Variants in ZNF418 observed in about 807,000 individuals in gnomAD.
ZNF418 encodes zinc finger protein 418.
A neutral mutation model predicts 32.0 loss-of-function variants in ZNF418; 32 were observed. The observed-to-expected ratio is 1.00, with a 90% CI of 0.75 to 1.34. The LOEUF is 1.34. Ranked by LOEUF, ZNF418 falls within the 40% of genes most tolerant of loss-of-function variation. ZNF418 has a pLI of 0.00. For missense variants in ZNF418, 804 were observed against 812.5 expected (o/e 0.99, Z 0.13); for synonymous variants, 276 against 270.7 (o/e 1.02, Z -0.19).
intron 4 of ZNF418, among the ~76,000 whole-genome samples, chr19:57,924,709 T>C (rs1353530471): frequency 6.6e-6 from 1 of 152,190 alleles, no homozygotes; most frequent in Non-Finnish European, 1.5e-5. Context: ...GGGAACAGAT[T>C]TCCCTCAGCA....
intron 3 of ZNF418, among the ~76,000 whole-genome samples, chr19:57,929,038 C>A (rs113430358): frequency 0.012 from 1,782 of 152,120 alleles, 37 homozygotes; most frequent in African/African-American, 0.039. Context: ...TTTGTACACA[C>A]TTGCTAATAC....
intron 3 of ZNF418, 66 bp downstream of exon 3, chr19:57,930,362 C>G: frequency 6.2e-7 from 1 of 1,608,992 alleles, no homozygotes; most frequent in Non-Finnish European, 8.5e-7. Flanking sequence ...GACAGTCTTG[C>G]CAATGGGAGA....
At position 57,932,981 on chromosome 19, in the gene ZNF418, C is replaced by T. The variant is rs143184933; in HGVS notation, c.6+836G>A. On this transcript the variant is annotated intron_variant, in intron 2 of 5. Coordinates refer to ENST00000396147, the MANE Select transcript of ZNF418 (RefSeq NM_133460.3). ...CCCTATCTTCATGAGCCCTTGCCTC[C>T]TTCTCCTGTGGCAATGTCAGCCAGG... Among the ~76,000 whole-genome samples, 860 of 152,306 alleles carry T rather than the reference C, an allele frequency of 5.6e-3. 20 individuals are homozygous for T. Among genetic ancestry groups the T allele is most frequent in the East Asian group, 0.018 (95 of 5,180 alleles).
rs1425002536 is a variant in ZNF418 at position 57,927,294 on chromosome 19, C to G, written c.887G>C (p.Ser296Thr). Residue 296 changes from serine to threonine, a missense_variant, in exon 4 of 6, where the codon AGT becomes ACT. Around this residue, in one of 3 missense-constraint regions of ZNF418, gnomAD observed 22 missense variants for 49.0 expected, o/e 0.45. Transcript: ENST00000396147. ...ATGCTGAACAAGGCTGCCCTTATGACTAAAAGATTTCCCACATTCTCCACA... is the reference window on the plus strand; with the variant it reads ...ATGCTGAACAAGGCTGCCCTTATGAGTAAAAGATTTCCCACATTCTCCACA... ...YECGECGKSF[S>T]HKGSLVQHQR... 1 of 1,614,012 alleles carries G rather than the reference C, an allele frequency of 6.2e-7. No homozygotes were observed. The highest frequency in any genetic ancestry group is 1.3e-5 in the African/African-American group (1 of 74,910).
In ZNF418 at chr19:57,927,749, T is replaced by G. The variant is rs1347185143; in HGVS notation, c.432A>C (p.Ala144=). The change falls in exon 4 of 6, where the codon GCA becomes GCC. Residue 144 remains alanine, a synonymous_variant. Coordinates refer to ENST00000396147, the MANE Select transcript of ZNF418 (RefSeq NM_133460.3). ...GGAACTTACACCTCTTCACAAACAA[T>G]GCTTCCTCAACACTGCTTCTATAGG... ...EKPYRSSVEE[A]LFVKRCKFHV... 6.2e-7 allele frequency: 1 copy of G among 1,614,200 alleles called. No individual in the cohort carries two copies. The highest frequency in any genetic ancestry group is 1.7e-5 in the Admixed American group (1 of 60,024).
intron 3 of ZNF418, among the ~76,000 whole-genome samples, chr19:57,928,288 A>AT (rs34018478): frequency 4.0e-5 from 6 of 150,516 alleles, no homozygotes; most frequent in Non-Finnish European, 5.9e-5. Flanking sequence ...AAGGTCTACA[A>AT]TTTTTTTTTT....
chr19:57,923,292 G>A lies in ZNF418; in HGVS notation c.*528-3C>T, dbSNP rs939943500. ...GCCTGGGCAGACAGACGGACATTCT[G>A]TCTCAAAAACAAAAAAAATTAAGAA... On this transcript the variant is annotated splice_region_variant and splice_polypyrimidine_tract_variant and intron_variant, in intron 4 of 5. Transcript: ENST00000396147. The A allele has an allele frequency of 6.6e-6, 1 of 151,784 alleles. No individual in the cohort carries two copies. Among genetic ancestry groups the A allele is most frequent in the African/African-American group, 2.4e-5 (1 of 41,296 alleles). 9.4% of individuals were successfully genotyped at this position (151,784 alleles called of 1,614,324 possible). A position where few individuals can be genotyped will look rare whatever the true frequency, so the allele number is the denominator to read the frequency against.
chr19:57,932,608 G>T, intron 2 of ZNF418: 2 of 1,489,784 alleles, frequency 1.3e-6, no homozygotes, highest in Non-Finnish European at 8.9e-7. Context: ...TGTCCACCTA[G>T]AGTCATTTAA....
chr19:57,926,741 C>T lies in ZNF418; in HGVS notation c.1440G>A (p.Arg480=), dbSNP rs781498376. 10 of 1,614,064 alleles carry T rather than the reference C, an allele frequency of 6.2e-6. No individual in the cohort carries two copies. In the Admixed American group the frequency reaches 1.3e-4, roughly 22 times the overall value. Residue 480 remains arginine (R), a synonymous_variant, in exon 4 of 6, where the codon AGG becomes AGA. Coordinates refer to ENST00000396147, the MANE Select transcript of ZNF418 (RefSeq NM_133460.3). ...IEHQRVHTGE[R]PYECNECGKS... ...TCCCACATTCATTACATTCATATGGCCTTTCTCCAGTGTGAACTCTCTGGT... is the reference window on the plus strand; with the variant it reads ...TCCCACATTCATTACATTCATATGGTCTTTCTCCAGTGTGAACTCTCTGGT...
At chr19:57,923,001 A>T (rs74546975) in intron 5 of ZNF418, among the ~76,000 whole-genome samples, 191 bp downstream of exon 5, 2 of 150,248 alleles carry the variant, frequency 1.3e-5, no homozygotes, top group African/African-American at 4.9e-5. Context: ...CTGTCTCAAA[A>T]AAAAAAAAAA....
At chr19:57,934,604 T>A (rs2072619310) in intron 1 of ZNF418, among the ~76,000 whole-genome samples, 1 of 152,162 alleles carries the variant, frequency 6.6e-6, no homozygotes, top group Admixed American at 6.5e-5. Context: ...AGCTCAGGTC[T>A]CCTTGAACCT....
chr19:57,934,941 TC>T (rs2072634426), intron 1 of ZNF418: 1 of 1,247,016 alleles, frequency 8.0e-7, no homozygotes, highest in South Asian at 1.6e-5. Flanking sequence ...GGTTCCATCC[TC>T]CCGGGTCTGT....
At position 57,927,238 on chromosome 19, in the gene ZNF418, C is replaced by T. The variant is rs1266249012; in HGVS notation, c.943G>A (p.Glu315Lys). 2 of 1,614,100 alleles carry T rather than the reference C, an allele frequency of 1.2e-6. No homozygotes were observed. The highest frequency in any genetic ancestry group is 1.3e-5 in the African/African-American group (1 of 74,938). ...QRVHTGERPY[E>K]CGECGKSFSQ... ...AAAGATTTCCCACATTCTCCACACT[C>T]ATAAGGTCTTTCTCCAGTATGAACT... is the stretch of plus-strand genomic sequence containing the variant. The change falls in exon 4 of 6, where the codon GAG becomes AAG. Residue 315 changes from glutamate (E) to lysine (K), a missense_variant. Physicochemically the swap from Glu to Lys is moderately conservative, Grantham distance 56. This residue lies in a region of ZNF418 where 475 missense variants were observed against 458.6 expected (regional missense o/e 1.04). Coordinates refer to ENST00000396147, the MANE Select transcript of ZNF418 (RefSeq NM_133460.3).
At position 57,930,684 on chromosome 19, in the gene ZNF418, C is replaced by T. The variant is rs2072450068; in HGVS notation, c.7-130G>A. The T allele has an allele frequency of 4.4e-6, 6 of 1,363,936 alleles. 1 individual carries two copies. Among genetic ancestry groups the T allele is most frequent in the South Asian group, 4.1e-5 (3 of 72,804 alleles). The allele number at this position is 1,363,936 out of a possible 1,614,324, so 84.5% of individuals were successfully genotyped here. A position where few individuals can be genotyped will look rare whatever the true frequency, so the allele number is the denominator to read the frequency against. The stretch of plus-strand genomic sequence containing the variant: ...CCTCAGCACAGAGGAGAAACTAGTC[C>T]ACTGGTGCCTTTGTCTCTTCGTGGG... On this transcript the variant is annotated intron_variant, in intron 2 of 5. Transcript: ENST00000396147.
intron 3 of ZNF418, 49 bp downstream of exon 3, chr19:57,930,379 G>T: frequency 1.9e-6 from 3 of 1,613,220 alleles, no homozygotes; most frequent in Non-Finnish European, 2.5e-6. Flanking sequence ...GAGAAAAGGG[G>T]AAGGGCAGAG....
intron 5 of ZNF418, 103 bp from the exon 6 acceptor site, chr19:57,922,732 G>A (rs1600155530): frequency 2.5e-6 from 1 of 394,758 alleles, no homozygotes; most frequent in East Asian, 3.6e-5. Flanking sequence ...AGGCACAGTG[G>A]CTCATCCTGT....
chr19:57,934,614 T>C (rs2072619621), intron 1 of ZNF418, among the ~76,000 whole-genome samples: 1 of 152,182 alleles, frequency 6.6e-6, no homozygotes, highest in African/African-American at 2.4e-5. Flanking sequence ...TCCTTGAACC[T>C]TTTCTTATCG....
intron 2 of ZNF418, among the ~76,000 whole-genome samples, chr19:57,931,713 T>C (rs2123016146): frequency 6.6e-6 from 1 of 152,306 alleles, no homozygotes; most frequent in South Asian, 2.1e-4. Flanking sequence ...CAGCCTTCTG[T>C]GGAGATGGGA....
intron 5 of ZNF418, 43 bp from the exon 6 acceptor site, chr19:57,922,672 A>G (rs1157343617): frequency 1.8e-5 from 7 of 398,354 alleles, no homozygotes; most frequent in Non-Finnish European, 3.1e-5. Flanking sequence ...ATACTTAAAT[A>G]TATGGGACAC....
Sources: gnomAD v4.1 joint callset for allele counts (sites outside exome capture counted in the v4.1 genomes callset) on GRCh38, gnomAD v4.1.1 for gene constraint, gnomAD v4.1.1 regional missense constraint, MANE v1.5 for transcripts, NCBI Gene and HGNC (gene_info 2026-07-23, HGNC 2026-07-21) for gene names.